Variants in GATAD2B observed in about 807,000 individuals in gnomAD.
GATAD2B encodes transcriptional repressor p66-beta.
In GATAD2B, 8 loss-of-function variants were observed where a neutral mutation model predicts 64.3. The ratio of observed to expected loss-of-function variants is 0.12; its 90% CI spans 0.07 to 0.22. The LOEUF (loss-of-function observed/expected upper bound fraction) is 0.22. Ranked by LOEUF, GATAD2B falls within the 10% of genes least tolerant of loss-of-function variation. GATAD2B has a pLI of 1.00. For synonymous variants in GATAD2B, 281 were observed against 271.3 expected (o/e 1.04, Z -0.35); for missense variants, 453 against 752.0 (o/e 0.60, Z 4.65).
intron 1 of GATAD2B, among the ~76,000 whole-genome samples, chr1:153,863,130 C>T (rs1395742668): frequency 6.6e-6 from 1 of 152,162 alleles, no homozygotes; most frequent in Non-Finnish European, 1.5e-5. Flanking sequence ...TTTTACTACT[C>T]TCTCCTGGTT....
At chr1:153,898,009 A>C (rs1677651993) in intron 1 of GATAD2B, among the ~76,000 whole-genome samples, 1 of 151,466 alleles carries the variant, frequency 6.6e-6, no homozygotes, top group Non-Finnish European at 1.5e-5. Flanking sequence ...AAAAACAAAA[A>C]AAAAAAAACC....
At chr1:153,839,726 T>C (rs1454126981) in intron 1 of GATAD2B, among the ~76,000 whole-genome samples, 1 of 152,166 alleles carries the variant, frequency 6.6e-6, no homozygotes, top group African/African-American at 2.4e-5. Context: ...TCCCAGCATT[T>C]TGGGAGGCCA....
intron 1 of GATAD2B, among the ~76,000 whole-genome samples, chr1:153,864,951 T>C (rs771231790): frequency 8.6e-5 from 13 of 152,026 alleles, no homozygotes; most frequent in Non-Finnish European, 1.8e-4. Flanking sequence ...GTGCCTGTAG[T>C]CCCAGCTATT....
Position 153,917,802 on chromosome 1 carries a change from T to C in GATAD2B, c.-2+4931A>G, listed in dbSNP as rs192255401. Among the ~76,000 whole-genome samples the C allele has an allele frequency of 7.9e-5, 12 of 152,094 alleles. No homozygotes were observed. The East Asian group carries it at 2.1e-3, about 27-fold the overall frequency. ...ACCTACATCATAGAAAGAGAACCAA[T>C]AGGCAATAAATGTAACAAATAAATA... On this transcript the variant is annotated intron_variant, in intron 1 of 10. Coordinates refer to ENST00000368655, the MANE Select transcript of GATAD2B (RefSeq NM_020699.4).
intron 1 of GATAD2B, among the ~76,000 whole-genome samples, chr1:153,843,371 T>C (rs1675564109): frequency 6.6e-6 from 1 of 152,000 alleles, no homozygotes; most frequent in South Asian, 2.1e-4. Context: ...CTTAGCAATC[T>C]GCAGCCTCAA....
chr1:153,892,163 C>CAAAAAAAA (rs900308080), intron 1 of GATAD2B, among the ~76,000 whole-genome samples: 3 of 50,310 alleles, frequency 6.0e-5, no homozygotes, highest in Non-Finnish European at 7.9e-5. Flanking sequence ...GACTCCGTCT[C>CAAAAAAAA]AAAAAAAAAA....
rs541000195 is a variant in GATAD2B, at chr1:153,868,455, T to C, written c.-1-40107A>G. ...AGTGATGTTGTTCTAGTTAACAGCATGGGGGACGGGGTGGGGGTGGATGTG... is the reference window on the plus strand; with the variant it reads ...AGTGATGTTGTTCTAGTTAACAGCACGGGGGACGGGGTGGGGGTGGATGTG... On this transcript the variant is annotated intron_variant, in intron 1 of 10. Coordinates refer to ENST00000368655, the MANE Select transcript of GATAD2B (RefSeq NM_020699.4). Among the ~76,000 whole-genome samples, 12 of 95,166 alleles carry C rather than the reference T, an allele frequency of 1.3e-4. No individual in the cohort carries two copies. In the South Asian group the frequency reaches 2.9e-3, roughly 23 times the overall value. 62.4% of individuals were successfully genotyped at this position (95,166 alleles called of 152,430 possible).
chr1:153,901,546 T>G (rs910631614), intron 1 of GATAD2B, among the ~76,000 whole-genome samples: 1 of 152,042 alleles, frequency 6.6e-6, no homozygotes, highest in Admixed American at 6.6e-5. Flanking sequence ...AATGTCCAAC[T>G]GCGCCCGATG....
intron 1 of GATAD2B, among the ~76,000 whole-genome samples, chr1:153,855,222 TTTG>T (rs1462807811): frequency 3.1e-5 from 1 of 32,478 alleles, no homozygotes; most frequent in East Asian, 5.6e-4. Flanking sequence ...TAGCTTTCTT[TTTG>T]TTTTTTTTTT....
At chr1:153,904,801 G>A (rs1363871558) in intron 1 of GATAD2B, among the ~76,000 whole-genome samples, 1 of 152,002 alleles carries the variant, frequency 6.6e-6, no homozygotes, top group African/African-American at 2.4e-5. Context: ...CCGCCTCCCT[G>A]CTTCAAGCAA....
At chr1:153,835,286 C>T (rs1189706259) in intron 1 of GATAD2B, among the ~76,000 whole-genome samples, 1 of 152,048 alleles carries the variant, frequency 6.6e-6, no homozygotes, top group Non-Finnish European at 1.5e-5. Flanking sequence ...GACAAAGCAG[C>T]AGGGTTTGAA....
intron 1 of GATAD2B, among the ~76,000 whole-genome samples, chr1:153,920,302 G>C (rs1242544887): frequency 6.6e-6 from 1 of 152,192 alleles, no homozygotes; most frequent in Non-Finnish European, 1.5e-5. Flanking sequence ...ATTCAACCTG[G>C]AGGTCCAGCC....
intron 1 of GATAD2B, among the ~76,000 whole-genome samples, chr1:153,838,883 G>A (rs1254488774): frequency 2.0e-5 from 3 of 152,040 alleles, no homozygotes; most frequent in African/African-American, 7.2e-5. Context: ...GCCAAGGATG[G>A]CAGATCATTT....
intron 1 of GATAD2B, among the ~76,000 whole-genome samples, chr1:153,921,435 G>A (rs535245852): frequency 3.9e-5 from 6 of 152,298 alleles, no homozygotes; most frequent in African/African-American, 1.4e-4. Context: ...CTCCAACACA[G>A]ATCTGTTAAA....
chr1:153,830,482 A>ATTTATTT (rs1675040415), intron 1 of GATAD2B, among the ~76,000 whole-genome samples: 1 of 132,538 alleles, frequency 7.5e-6, no homozygotes, highest in African/African-American at 2.8e-5. Flanking sequence ...TTATTTATTT[A>ATTTATTT]TTTTTTTTTT....
At chr1:153,879,745 G>C (rs955711989) in intron 1 of GATAD2B, among the ~76,000 whole-genome samples, 3 of 126,738 alleles carry the variant, frequency 2.4e-5, no homozygotes, top group East Asian at 2.5e-4. Flanking sequence ...CCTGGCAACA[G>C]AGCGAGACAC....
chr1:153,879,417 A>G (rs1160061286), intron 1 of GATAD2B, among the ~76,000 whole-genome samples: 1 of 152,012 alleles, frequency 6.6e-6, no homozygotes, highest in Non-Finnish European at 1.5e-5. Context: ...TTCACCTAAC[A>G]CAAAAGCTGC....
chr1:153,833,623 T>C (rs1416012920), intron 1 of GATAD2B, among the ~76,000 whole-genome samples: 1 of 152,052 alleles, frequency 6.6e-6, no homozygotes, highest in Non-Finnish European at 1.5e-5. Flanking sequence ...GAGACCAGTC[T>C]GACCAACATG....
At chr1:153,811,541 C>A in intron 10 of GATAD2B, 190 bp downstream of exon 10, 2 of 668,470 alleles carry the variant, frequency 3.0e-6, no homozygotes, top group East Asian at 2.6e-5. Context: ...ACCACCAAAA[C>A]CCTAGTGCAT....
Sources: gnomAD v4.1 joint callset for allele counts (sites outside exome capture counted in the v4.1 genomes callset) on GRCh38, gnomAD v4.1.1 for gene constraint, MANE v1.5 for transcripts, NCBI Gene and HGNC (gene_info 2026-07-23, HGNC 2026-07-21) for gene names.